ATXN7L1: variants seen among roughly 807,000 people sequenced by gnomAD.
The protein encoded by ATXN7L1 is ataxin 7 like 1, also known as ataxin-7-like protein 1.
A neutral mutation model predicts 70.8 loss-of-function variants in ATXN7L1; 15 were observed. The observed-to-expected ratio is 0.21, with a 90% CI of 0.14 to 0.33. The LOEUF is 0.33. Among genes scored for constraint, ATXN7L1 ranks in the 10% least tolerant of loss-of-function variants. ATXN7L1 has a pLI of 1.00. For synonymous variants in ATXN7L1, 440 were observed against 445.1 expected (o/e 0.99, Z 0.14); for missense variants, 975 against 1,097.1 (o/e 0.89, Z 1.57).
intron 3 of ATXN7L1, among the ~76,000 whole-genome samples, chr7:105,773,738 T>G (rs975424742): frequency 6.6e-6 from 1 of 152,024 alleles, no homozygotes; most frequent in East Asian, 1.9e-4. Flanking sequence ...CAGTGCCGGC[T>G]GAATAATGAA....
At chr7:105,636,394 CAAAA>C (rs1217878273) in intron 7 of ATXN7L1, among the ~76,000 whole-genome samples, 4 of 86,558 alleles carry the variant, frequency 4.6e-5, no homozygotes, top group African/African-American at 4.2e-5. Flanking sequence ...AACTCTGTCT[CAAAA>C]AAAAAAAAAA....
At chr7:105,628,965 C>A (rs1413327494) in intron 7 of ATXN7L1, among the ~76,000 whole-genome samples, 1 of 150,012 alleles carries the variant, frequency 6.7e-6, no homozygotes, top group Non-Finnish European at 1.5e-5. Flanking sequence ...ATGGTGAGAA[C>A]ACTTTTTATT....
intron 5 of ATXN7L1, among the ~76,000 whole-genome samples, 170 bp from the exon 6 acceptor site, chr7:105,639,739 C>T (rs1310851768): frequency 1.3e-5 from 2 of 152,240 alleles, no homozygotes; most frequent in African/African-American, 4.8e-5. Flanking sequence ...TGCTAAAAGT[C>T]TTCCAGAACC....
At chr7:105,791,335 T>C (rs566526136) in intron 2 of ATXN7L1, among the ~76,000 whole-genome samples, 3 of 152,284 alleles carry the variant, frequency 2.0e-5, no homozygotes, top group African/African-American at 7.2e-5. Context: ...TGGCACACAC[T>C]GTCTTCTGGG....
chr7:105,750,817 CA>C (rs541238849), intron 3 of ATXN7L1, among the ~76,000 whole-genome samples: 1 of 151,948 alleles, frequency 6.6e-6, no homozygotes, highest in Non-Finnish European at 1.5e-5. Flanking sequence ...AAAACAACAA[CA>C]AAAAAAGTTA....
chr7:105,785,389 T>C (rs1804142655), intron 3 of ATXN7L1, among the ~76,000 whole-genome samples: 1 of 151,918 alleles, frequency 6.6e-6, no homozygotes, highest in Admixed American at 6.6e-5. Context: ...TTTTTTGAAC[T>C]GGGGAGGCAG....
At chr7:105,609,369 A>C (rs964018066) in intron 11 of ATXN7L1, among the ~76,000 whole-genome samples, 9 of 152,086 alleles carry the variant, frequency 5.9e-5, no homozygotes, top group African/African-American at 1.9e-4. Context: ...GGGTTTCACC[A>C]TGTGGGCAAG....
intron 3 of ATXN7L1, among the ~76,000 whole-genome samples, chr7:105,720,344 G>A (rs1339737136): frequency 1.3e-5 from 2 of 152,022 alleles, no homozygotes; most frequent in Non-Finnish European, 2.9e-5. Context: ...GACCAGTCTG[G>A]CCAACATGGT....
chr7:105,630,096 G>A (rs1444638788), intron 7 of ATXN7L1, among the ~76,000 whole-genome samples: 2 of 152,152 alleles, frequency 1.3e-5, no homozygotes, highest in African/African-American at 4.8e-5. Flanking sequence ...GGGATTACAG[G>A]TGTGAGCCAC....
At chr7:105,732,306 A>C (rs988282953) in intron 3 of ATXN7L1, among the ~76,000 whole-genome samples, 3 of 152,002 alleles carry the variant, frequency 2.0e-5, no homozygotes, top group African/African-American at 7.2e-5. Context: ...CCATCTACTC[A>C]GGATGCTGAG....
chr7:105,659,711 C>T (rs1434293754), intron 4 of ATXN7L1, among the ~76,000 whole-genome samples: 1 of 152,098 alleles, frequency 6.6e-6, no homozygotes, highest in African/African-American at 2.4e-5. Context: ...CATGGCACCA[C>T]CCTTGGCCTC....
chr7:105,615,060 T>C (rs948237025), intron 9 of ATXN7L1, among the ~76,000 whole-genome samples: 3 of 152,120 alleles, frequency 2.0e-5, no homozygotes, highest in Admixed American at 6.5e-5. Flanking sequence ...TCTCCAGGCT[T>C]GGCTACTGGA....
chr7:105,727,564 G>A (rs6466073), intron 3 of ATXN7L1, among the ~76,000 whole-genome samples: 44,039 of 149,180 alleles, frequency 0.3, 7,244 homozygotes, highest in East Asian at 0.45. Context: ...AGCTACTTGG[G>A]AGGCTGAGGC....
intron 3 of ATXN7L1, among the ~76,000 whole-genome samples, chr7:105,763,846 G>T (rs181925323): frequency 0.025 from 3,793 of 150,738 alleles, 58 homozygotes; most frequent in Middle Eastern, 0.079. Flanking sequence ...TTTTTTTTTT[G>T]TTGTTGTTGT....
At chr7:105,863,317 C>T (rs534354765) in intron 2 of ATXN7L1, among the ~76,000 whole-genome samples, 3 of 152,322 alleles carry the variant, frequency 2.0e-5, no homozygotes, top group East Asian at 1.9e-4. Flanking sequence ...AATGAGAGAG[C>T]GTTTCCCTGA....
In ATXN7L1 at chr7:105,613,913, G is replaced by A. The variant is rs1022312328; in HGVS notation, c.2421C>T (p.Pro807=). Residue 807 remains proline, a synonymous_variant, in exon 10 of 12, where the codon CCC becomes CCT. Coordinates refer to ENST00000419735, the MANE Select transcript of ATXN7L1 (RefSeq NM_020725.2). ...GATCGGGCACCGGTGCGAGAAGGCT[G>A]GGCGGGTTCTTTTTGTGAACGCTAT... ...GMNSVHKKNP[P]SLLAPVPDPV... 6.4e-7 allele frequency: 1 copy of A among 1,552,126 alleles called. No individual in the cohort carries two copies. Among genetic ancestry groups the A allele is most frequent in the Non-Finnish European group, 8.7e-7 (1 of 1,147,040 alleles).
intron 2 of ATXN7L1, among the ~76,000 whole-genome samples, chr7:105,825,360 C>G (rs1810719344): frequency 6.6e-6 from 1 of 151,996 alleles, no homozygotes; most frequent in Non-Finnish European, 1.5e-5. Flanking sequence ...ACCAGCAGCA[C>G]AGTAGGCTGA....
intron 3 of ATXN7L1, among the ~76,000 whole-genome samples, chr7:105,766,402 T>C (rs1322267946): frequency 6.6e-6 from 1 of 152,134 alleles, no homozygotes; most frequent in Non-Finnish European, 1.5e-5. Context: ...TGTTTTTAAG[T>C]CAGGGATGCT....
intron 11 of ATXN7L1, among the ~76,000 whole-genome samples, chr7:105,609,722 A>T (rs1008228190): frequency 6.6e-6 from 1 of 152,010 alleles, no homozygotes; most frequent in Non-Finnish European, 1.5e-5. Flanking sequence ...TCGGCCTCCC[A>T]AAGTGCTGGG....
Sources: gnomAD v4.1 joint callset for allele counts (sites outside exome capture counted in the v4.1 genomes callset) on GRCh38, gnomAD v4.1.1 for gene constraint, MANE v1.5 for transcripts, NCBI Gene and HGNC (gene_info 2026-07-23, HGNC 2026-07-21) for gene names.